The following PCDHGA4 variants were observed in gnomAD, a reference collection of about 807,000 sequenced individuals.
The protein encoded by PCDHGA4 is protocadherin gamma subfamily A, 4.
A neutral mutation model predicts 54.6 loss-of-function variants in PCDHGA4; 38 were observed. The observed-to-expected ratio is 0.70, with a 90% CI of 0.54 to 0.91. The LOEUF (loss-of-function observed/expected upper bound fraction) is 0.91, where lower values mean the gene tolerates loss of function less well. Among genes scored for constraint, PCDHGA4 ranks in the 40% least tolerant of loss-of-function variants. The probability of loss-of-function intolerance (pLI) is 0.00; values close to 1 mark genes in which losing one functional copy is unlikely to be tolerated. For missense variants in PCDHGA4, 1,298 were observed against 1,220.9 expected, an observed-to-expected ratio of 1.06 and a Z score of -0.94; for synonymous variants, 511 against 512.9, an observed-to-expected ratio of 1.00 and a Z score of 0.05.
chr5:141,484,930 G>A (rs992641330), intron 1 of PCDHGA4: 2 of 501,452 alleles, frequency 4.0e-6, no homozygotes, highest in South Asian at 2.6e-5. Flanking sequence ...CTGCTGTTGG[G>A]ACGTTCTCTG....
intron 1 of PCDHGA4, chr5:141,375,280 C>A (rs771324220): frequency 6.2e-7 from 1 of 1,613,794 alleles, no homozygotes; most frequent in Admixed American, 1.7e-5. Flanking sequence ...AATCAGTTGG[C>A]AATTATTATC....
Position 141,362,398 on chromosome 5 carries a change from T to C in PCDHGA4, c.2514+4777T>C, listed in dbSNP as rs748697747. 16 of 1,613,926 alleles carry C rather than the reference T, an allele frequency of 9.9e-6. No individual in the cohort carries two copies. Among genetic ancestry groups the C allele is most frequent in the Admixed American group, 5.0e-5 (3 of 60,014 alleles). ...TACATTGCCCTATTCCTACAACCTG[T>C]GTGTTGCCTCACAATCAGCCAAGAC... On this transcript the variant is annotated intron_variant, in intron 1 of 3. Coordinates refer to ENST00000571252, the MANE Select transcript of PCDHGA4 (RefSeq NM_018917.4).
At chr5:141,451,127 CT>C (rs1264048458) in intron 1 of PCDHGA4, among the ~76,000 whole-genome samples, 1 of 152,132 alleles carries the variant, frequency 6.6e-6, no homozygotes, top group Non-Finnish European at 1.5e-5. Context: ...CACACCCAGC[CT>C]TATGATTGTA....
intron 1 of PCDHGA4, chr5:141,366,866 T>G (rs998309813): frequency 7.1e-7 from 1 of 1,402,360 alleles, no homozygotes; most frequent in Admixed American, 2.4e-5. Flanking sequence ...TTATTTGCTG[T>G]ATTGGAGATT....
intron 1 of PCDHGA4, chr5:141,390,389 G>C: frequency 7.1e-7 from 1 of 1,405,538 alleles, no homozygotes; most frequent in Non-Finnish European, 9.7e-7. Context: ...AGATGTCATG[G>C]ATCATTTTAG....
intron 1 of PCDHGA4, chr5:141,390,094 T>G: frequency 1.2e-6 from 2 of 1,614,048 alleles, no homozygotes; most frequent in Non-Finnish European, 1.7e-6. Flanking sequence ...GAATCCGTGG[T>G]TCCCCCCAAC....
intron 1 of PCDHGA4, chr5:141,392,008 T>C (rs144906227): frequency 1.3e-5 from 2 of 152,186 alleles, no homozygotes; most frequent in Non-Finnish European, 2.9e-5. Flanking sequence ...ACTGCAATGG[T>C]AAAAGCATTT....
chr5:141,451,745 G>T (rs562443882), intron 1 of PCDHGA4, among the ~76,000 whole-genome samples: 36 of 152,242 alleles, frequency 2.4e-4, no homozygotes, highest in Middle Eastern at 3.4e-3. Context: ...AGCTGGTCTG[G>T]TGGTGCATGC....
chr5:141,455,725 C>T (rs1001661569), intron 1 of PCDHGA4, among the ~76,000 whole-genome samples: 4 of 152,136 alleles, frequency 2.6e-5, no homozygotes, highest in South Asian at 2.1e-4. Context: ...TAATGGCCTG[C>T]ATTTGCATAT....
At chr5:141,414,932 C>T (rs770025434) in intron 1 of PCDHGA4, 3 of 1,614,162 alleles carry the variant, frequency 1.9e-6, no homozygotes, top group Middle Eastern at 1.7e-4. Context: ...CCCCGCTCCG[C>T]AGAGCCCGGC....
Position 141,413,600 on chromosome 5 carries a change from T to A in PCDHGA4, c.2514+55979T>A, listed in dbSNP as rs767830855. ...GCTCCAAAATTCCAAGCAGAAAATC[T>A]AGACGTAAAAATTAATGAAAATGTC... On this transcript the variant is annotated intron_variant, in intron 1 of 3. Transcript: ENST00000571252. 2.4e-5 allele frequency: 39 copies of A among 1,613,750 alleles called. No homozygotes were observed. Among genetic ancestry groups the A allele is most frequent in the Non-Finnish European group, 3.3e-5 (39 of 1,179,908 alleles).
At chr5:141,360,214 G>A in intron 1 of PCDHGA4, 7 of 1,613,376 alleles carry the variant, frequency 4.3e-6, no homozygotes, top group Non-Finnish European at 5.9e-6. Flanking sequence ...TTTGTTCCCC[G>A]GGGCTCTCCC....
intron 1 of PCDHGA4, chr5:141,415,868 G>A: frequency 9.2e-7 from 1 of 1,090,360 alleles, no homozygotes; most frequent in Non-Finnish European, 1.2e-6. Flanking sequence ...TTATAGTGTT[G>A]TTGAGTACAA....
At chr5:141,409,388 T>C in intron 1 of PCDHGA4, 1 of 1,614,018 alleles carries the variant, frequency 6.2e-7, no homozygotes, top group Non-Finnish European at 8.5e-7. Flanking sequence ...CAAGATTTAT[T>C]CTTCTTCCAA....
rs755936344 is a variant in PCDHGA4, at chr5:141,490,704, C to T, written c.2515-4103C>T. ...ATCCAGACACTGGGGATAATGCCCG[C>T]CTCACCTACTCCATTGTAGGAAATC... On this transcript the variant is annotated intron_variant, in intron 1 of 3. Transcript: ENST00000571252. The surrounding 1 kb of genome is among the most constrained non-coding windows in gnomAD (Gnocchi z 5.4). 6.2e-7 allele frequency: 1 copy of T among 1,614,166 alleles called. No homozygotes were observed.
rs765885822 is a variant in PCDHGA4 at position 141,361,298 on chromosome 5, G to A, written c.2514+3677G>A. ...GGAGAAGTTTACTGCCAAGTGTTGG[G>A]AAATGCCAAGTTTATTTTGAAATCT... On this transcript the variant is annotated intron_variant, in intron 1 of 3. Coordinates refer to ENST00000571252, the MANE Select transcript of PCDHGA4 (RefSeq NM_018917.4). 170 of 1,613,882 alleles carry A rather than the reference G, an allele frequency of 1.1e-4. No individual in the cohort carries two copies. Among genetic ancestry groups the A allele is most frequent in the Non-Finnish European group, 1.3e-4 (151 of 1,179,896 alleles).
intron 1 of PCDHGA4, chr5:141,383,281 G>C: frequency 6.2e-7 from 1 of 1,613,922 alleles, no homozygotes; most frequent in Non-Finnish European, 8.5e-7. Context: ...AGATATTAAT[G>C]ACAACGTTCC....
chr5:141,419,103 C>A, intron 1 of PCDHGA4: 1 of 1,613,886 alleles, frequency 6.2e-7, no homozygotes, highest in South Asian at 1.1e-5. Flanking sequence ...CGGGAGCAGA[C>A]CCCAGAGTAC....
At position 141,485,800 on chromosome 5, in the gene PCDHGA4, C is replaced by T. The variant is rs1231777430; in HGVS notation, c.2515-9007C>T. On this transcript the variant is annotated intron_variant, in intron 1 of 3. Coordinates refer to ENST00000571252, the MANE Select transcript of PCDHGA4 (RefSeq NM_018917.4). This position sits in a 1 kb window ranked among gnomAD's most constrained non-coding sequence, Gnocchi z 5.7. The stretch of plus-strand genomic sequence containing the variant: ...ATCGAGAGAAGCAATCGGACTACCG[C>T]CTGGTGCTGACTGCTGTCGATGGAG... 1 of 1,614,228 alleles carries T rather than the reference C, an allele frequency of 6.2e-7. No homozygotes were observed. Among genetic ancestry groups the T allele is most frequent in the East Asian group, 2.2e-5 (1 of 44,878 alleles).
Sources: gnomAD v4.1 joint callset for allele counts (sites outside exome capture counted in the v4.1 genomes callset) on GRCh38, gnomAD v4.1.1 for gene constraint, Gnocchi (gnomAD v3.1) non-coding constraint, MANE v1.5 for transcripts, NCBI Gene and HGNC (gene_info 2026-07-23, HGNC 2026-07-21) for gene names.